Variants in FBXW7 observed in about 807,000 individuals in gnomAD.
The protein encoded by FBXW7 is F-box and WD repeat domain containing 7, also known as F-box/WD repeat-containing protein 7.
Under a neutral mutation model 86.3 loss-of-function variants are expected in FBXW7, and 11 were observed. The observed-to-expected ratio is 0.13, with a 90% CI of 0.08 to 0.21. The LOEUF (loss-of-function observed/expected upper bound fraction) is 0.21. Ranked by LOEUF, FBXW7 falls within the 10% of genes least tolerant of loss-of-function variation. The probability of loss-of-function intolerance (pLI) is 1.00; values close to 1 mark genes in which losing one functional copy is unlikely to be tolerated. For synonymous variants in FBXW7, 313 were observed against 297.9 expected, an observed-to-expected ratio of 1.05 and a Z score of -0.52; for missense variants, 488 against 847.4, an observed-to-expected ratio of 0.58 and a Z score of 5.27.
At chr4:152,334,674 T>C (rs1729894199) in intron 7 of FBXW7, among the ~76,000 whole-genome samples, 3 of 152,136 alleles carry the variant, frequency 2.0e-5, no homozygotes, top group Admixed American at 6.6e-5. Context: ...CAGGTAAAAT[T>C]TCCAGCATTA....
At chr4:152,439,585 G>C (rs187040460) in intron 2 of FBXW7, among the ~76,000 whole-genome samples, 11 of 152,224 alleles carry the variant, frequency 7.2e-5, no homozygotes, top group Admixed American at 6.5e-4. Flanking sequence ...GTTATTTAAA[G>C]AAGTCCACGG....
At chr4:152,406,925 T>G (rs990070459) in intron 4 of FBXW7, among the ~76,000 whole-genome samples, 2 of 152,122 alleles carry the variant, frequency 1.3e-5, no homozygotes, top group Non-Finnish European at 2.9e-5. Flanking sequence ...GTTTATTTTG[T>G]GGGATTTGGG....
At chr4:152,454,621 T>C (rs1252561256) in intron 2 of FBXW7, among the ~76,000 whole-genome samples, 1 of 152,066 alleles carries the variant, frequency 6.6e-6, no homozygotes, top group African/African-American at 2.4e-5. Flanking sequence ...ACTATAATAT[T>C]TAGGAATTCC....
At chr4:152,357,563 C>T (rs866471395) in intron 4 of FBXW7, among the ~76,000 whole-genome samples, 6 of 152,004 alleles carry the variant, frequency 3.9e-5, no homozygotes, top group Non-Finnish European at 7.4e-5. Flanking sequence ...TCAAGTAATC[C>T]GCCCGCCTCA....
intron 2 of FBXW7, among the ~76,000 whole-genome samples, chr4:152,506,317 G>A (rs888790765): frequency 2.2e-4 from 33 of 152,250 alleles, no homozygotes; most frequent in African/African-American, 6.5e-4. Context: ...ATTTTTAGTA[G>A]AGACGGGGTT....
At chr4:152,388,132 T>TA (rs770193596) in intron 4 of FBXW7, among the ~76,000 whole-genome samples, 1 of 152,192 alleles carries the variant, frequency 6.6e-6, no homozygotes, top group Non-Finnish European at 1.5e-5. Flanking sequence ...AAAAATGTTC[T>TA]AAAAGATATT....
chr4:152,325,967 C>A (rs768872786), intron 12 of FBXW7, 39 bp downstream of exon 12: 1 of 1,535,328 alleles, frequency 6.5e-7, no homozygotes, highest in South Asian at 1.1e-5. Context: ...CCTTATGATT[C>A]ATCAGGAGAG....
At chr4:152,335,557 G>A (rs1255969802) in intron 7 of FBXW7, among the ~76,000 whole-genome samples, 1 of 152,162 alleles carries the variant, frequency 6.6e-6, no homozygotes, top group Non-Finnish European at 1.5e-5. Flanking sequence ...TGTTTTAAAG[G>A]TAAAACCCAG....
In FBXW7 at chr4:152,362,828, C is replaced by CAAA. The variant is rs35796895; in HGVS notation, c.502-12707_502-12705dup. On this transcript the variant is annotated intron_variant, in intron 4 of 13. Coordinates refer to ENST00000281708, the MANE Select transcript of FBXW7 (RefSeq NM_001349798.2). ...GGCAACAGAGTGAAACTCTCTCTCT[C>CAAA]AAAAAAAAAAAAAAAAAAAAACAAC... Among the ~76,000 whole-genome samples, 497 of 77,628 alleles carry CAAA rather than the reference C, an allele frequency of 6.4e-3. 1 individual carries two copies. The highest frequency in any genetic ancestry group is 7.6e-3 in the African/African-American group (126 of 16,686). The allele number at this position is 77,628 out of a possible 152,430, so 50.9% of individuals were successfully genotyped here.
At chr4:152,423,863 C>T (rs949881364) in intron 2 of FBXW7, among the ~76,000 whole-genome samples, 1 of 151,998 alleles carries the variant, frequency 6.6e-6, no homozygotes, top group Non-Finnish European at 1.5e-5. Flanking sequence ...GAAGGAGTCA[C>T]TAGAGGAGGT....
intron 2 of FBXW7, among the ~76,000 whole-genome samples, chr4:152,529,025 C>G (rs1398590766): frequency 6.6e-6 from 1 of 151,942 alleles, no homozygotes; most frequent in African/African-American, 2.4e-5. Context: ...AGCAAGAATT[C>G]ATTATTTAAC....
chr4:152,360,494 G>A (rs905858982), intron 4 of FBXW7, among the ~76,000 whole-genome samples: 3 of 152,114 alleles, frequency 2.0e-5, no homozygotes, highest in African/African-American at 7.2e-5. Flanking sequence ...ACATGTGACT[G>A]AAAGAACCTG....
chr4:152,400,789 T>C (rs1340895741), intron 4 of FBXW7, among the ~76,000 whole-genome samples: 1 of 152,164 alleles, frequency 6.6e-6, no homozygotes, highest in Non-Finnish European at 1.5e-5. Flanking sequence ...AGCCACAGAC[T>C]GGAAGAAAGT....
intron 2 of FBXW7, among the ~76,000 whole-genome samples, chr4:152,504,107 T>C (rs1747198504): frequency 6.6e-6 from 1 of 152,210 alleles, no homozygotes; most frequent in South Asian, 2.1e-4. Context: ...TATTCTTTTG[T>C]TTCCTCACTT....
chr4:152,333,003 CCTCAA>C (rs947595349), intron 7 of FBXW7, among the ~76,000 whole-genome samples: 21 of 152,138 alleles, frequency 1.4e-4, no homozygotes, highest in Admixed American at 2.0e-4. Context: ...ACTCTGTGAG[CCTCAA>C]CTCAATTTTT....
At position 152,326,238 on chromosome 4, in the gene FBXW7, A is replaced by G. The variant is rs781115895; in HGVS notation, c.1419-7T>C. On this transcript the variant is annotated splice_region_variant and splice_polypyrimidine_tract_variant and intron_variant, in intron 11 of 13. Transcript: ENST00000281708. ...TCGAGAACCGCTAACAACTCTGCAG[A>G]GGGAGAAACAGAAAAACAAAACAAA... The G allele has an allele frequency of 2.5e-6, 4 of 1,600,466 alleles. No individual in the cohort carries two copies. The highest frequency in any genetic ancestry group is 3.4e-6 in the Non-Finnish European group (4 of 1,171,916).
chr4:152,479,487 A>G (rs921249994), intron 2 of FBXW7, among the ~76,000 whole-genome samples: 1 of 152,062 alleles, frequency 6.6e-6, no homozygotes, highest in Admixed American at 6.6e-5. Flanking sequence ...ACACACACAT[A>G]TCTTTTTCTT....
At chr4:152,504,720 A>G (rs1314324401) in intron 2 of FBXW7, among the ~76,000 whole-genome samples, 6 of 152,228 alleles carry the variant, frequency 3.9e-5, no homozygotes, top group African/African-American at 1.4e-4. Context: ...ATCTAAAGGA[A>G]GATCAATTAC....
intron 2 of FBXW7, among the ~76,000 whole-genome samples, chr4:152,467,026 C>T (rs1743517930): frequency 6.6e-6 from 1 of 152,254 alleles, no homozygotes; most frequent in East Asian, 1.9e-4. Context: ...AAGATAAGAA[C>T]CTGATAATCC....
Sources: allele counts gnomAD v4.1 joint callset (sites outside exome capture counted in the v4.1 genomes callset), GRCh38; gene constraint gnomAD v4.1.1; transcripts MANE v1.5; gene names NCBI Gene and HGNC (gene_info 2026-07-23, HGNC 2026-07-21).